The following NCKAP5 variants were observed in gnomAD, a reference collection of about 807,000 sequenced individuals.
NCKAP5 encodes the protein nck-associated protein 5.
A neutral mutation model predicts 167.0 loss-of-function variants in NCKAP5; 92 were observed. The observed-to-expected ratio is 0.55, with a 90% CI of 0.47 to 0.66. The LOEUF is 0.66. Among genes scored for constraint, NCKAP5 ranks in the 30% least tolerant of loss-of-function variants. NCKAP5 has a pLI of 0.00. For missense variants in NCKAP5, 2,378 were observed against 2,315.0 expected, an observed-to-expected ratio of 1.03 and a Z score of -0.56; for synonymous variants, 891 against 877.4, an observed-to-expected ratio of 1.02 and a Z score of -0.27.
At chr2:133,611,289 A>G in the NCKAP5 span, among the ~76,000 whole-genome samples, 1 of 136,278 alleles carries the variant, frequency 7.3e-6, no homozygotes, top group Non-Finnish European at 1.6e-5. Flanking sequence ...CACCTCCTCC[A>G]TCTGCAAAAA....
chr2:133,188,550 C>A (rs568001050), intron 5 of NCKAP5, among the ~76,000 whole-genome samples: 6 of 152,094 alleles, frequency 3.9e-5, no homozygotes, highest in Non-Finnish European at 5.9e-5. Context: ...GACTCCTCAA[C>A]AAATGTAACA....
At chr2:132,982,650 C>A (rs573463890) in intron 7 of NCKAP5, among the ~76,000 whole-genome samples, 1 of 152,178 alleles carries the variant, frequency 6.6e-6, no homozygotes, top group African/African-American at 2.4e-5. Flanking sequence ...GCTTTTCAAC[C>A]CTTGCCCCCT....
chr2:133,277,509 A>G (rs2089778669), intron 4 of NCKAP5, among the ~76,000 whole-genome samples: 1 of 152,140 alleles, frequency 6.6e-6, no homozygotes, highest in African/African-American at 2.4e-5. Context: ...AATCACAAAA[A>G]TAGATGTGAA....
chr2:133,515,833 C>T (rs988090090), intron 3 of NCKAP5, among the ~76,000 whole-genome samples: 4 of 152,274 alleles, frequency 2.6e-5, no homozygotes, highest in African/African-American at 7.2e-5. Context: ...TCCCTGCCTT[C>T]GCAGCTATCT....
At chr2:133,406,861 C>A (rs1387534091) in intron 3 of NCKAP5, among the ~76,000 whole-genome samples, 1 of 152,222 alleles carries the variant, frequency 6.6e-6, no homozygotes, top group African/African-American at 2.4e-5. Flanking sequence ...CAAGCCCCAC[C>A]TTGCCCTTCC....
intron 3 of NCKAP5, among the ~76,000 whole-genome samples, chr2:133,478,622 C>G (rs865978604): frequency 7.0e-4 from 107 of 152,106 alleles, no homozygotes; most frequent in African/African-American, 2.5e-3. Flanking sequence ...AACACTTATG[C>G]TGAATAAATT....
At chr2:133,532,768 T>C (rs1685469021) in intron 2 of NCKAP5, among the ~76,000 whole-genome samples, 1 of 152,194 alleles carries the variant, frequency 6.6e-6, no homozygotes, top group African/African-American at 2.4e-5. Context: ...CCCTTCACTA[T>C]GAAATTTTAA....
At chr2:133,638,689 C>T in the NCKAP5 span, among the ~76,000 whole-genome samples, 1 of 151,982 alleles carries the variant, frequency 6.6e-6, no homozygotes, top group Admixed American at 6.6e-5. Context: ...GAGGCCCCAT[C>T]TCTACTAAAA....
intron 1 of NCKAP5, among the ~76,000 whole-genome samples, chr2:133,562,817 G>A (rs1397458025): frequency 1.3e-5 from 2 of 152,202 alleles, no homozygotes; most frequent in Non-Finnish European, 2.9e-5. Flanking sequence ...GTGTAATTGA[G>A]GCTTCCAAAC....
chr2:133,440,590 C>T (rs1690772911), intron 3 of NCKAP5, among the ~76,000 whole-genome samples: 1 of 151,474 alleles, frequency 6.6e-6, no homozygotes, highest in East Asian at 2.0e-4. Context: ...GGCACCTGAA[C>T]TCCCAGCTAC....
chr2:133,515,334 A>G lies in NCKAP5; in HGVS notation c.69+2124T>C, dbSNP rs562117089. Among the ~76,000 whole-genome samples the G allele has an allele frequency of 7.0e-4, 106 of 152,316 alleles. 1 individual carries two copies. The highest frequency in any genetic ancestry group is 2.5e-3 in the African/African-American group (105 of 41,576). On this transcript the variant is annotated intron_variant, in intron 3 of 19. Coordinates refer to ENST00000409261, the MANE Select transcript of NCKAP5 (RefSeq NM_207363.3). ...GTAGTAACTTGGCCTAAGTGCTATAATGTTGAAAAGCATTTAAGCACCCCC... is the reference window on the plus strand; with the variant it reads ...GTAGTAACTTGGCCTAAGTGCTATAGTGTTGAAAAGCATTTAAGCACCCCC...
intron 8 of NCKAP5, among the ~76,000 whole-genome samples, chr2:132,926,932 G>A (rs13382829): frequency 0.12 from 18,872 of 152,052 alleles, 3,397 homozygotes; most frequent in African/African-American, 0.39. Context: ...GGTCTTAATC[G>A]AGAATTATTT....
At chr2:133,363,277 C>T (rs959830181) in intron 3 of NCKAP5, among the ~76,000 whole-genome samples, 1 of 152,020 alleles carries the variant, frequency 6.6e-6, no homozygotes, top group African/African-American at 2.4e-5. Context: ...AAATCTAACC[C>T]ACTGCCCATT....
intron 2 of NCKAP5, among the ~76,000 whole-genome samples, chr2:133,519,101 C>G (rs1157374097): frequency 2.6e-5 from 4 of 152,208 alleles, no homozygotes; most frequent in Non-Finnish European, 5.9e-5. Flanking sequence ...TGGGCTGTCT[C>G]TCTTGGTTTT....
intron 3 of NCKAP5, among the ~76,000 whole-genome samples, chr2:133,515,798 C>T (rs1307425963): frequency 1.3e-5 from 2 of 152,204 alleles, no homozygotes; most frequent in Non-Finnish European, 1.5e-5. Flanking sequence ...ACTCACGTCC[C>T]CCTGCCCTGT....
chr2:133,410,560 T>C (rs1688712331), intron 3 of NCKAP5, among the ~76,000 whole-genome samples: 1 of 152,192 alleles, frequency 6.6e-6, no homozygotes, highest in Non-Finnish European at 1.5e-5. Context: ...ACTCAACAAA[T>C]ATTAAAACCT....
At chr2:133,304,173 T>G (rs1013185415) in intron 3 of NCKAP5, among the ~76,000 whole-genome samples, 1 of 152,190 alleles carries the variant, frequency 6.6e-6, no homozygotes, top group African/African-American at 2.4e-5. Context: ...CATAATATAC[T>G]GCTCTTATAG....
chr2:133,142,387 G>C (rs2083033495), intron 5 of NCKAP5, among the ~76,000 whole-genome samples: 1 of 152,126 alleles, frequency 6.6e-6, no homozygotes, highest in Non-Finnish European at 1.5e-5. Context: ...ATACCTGCCT[G>C]GCCCGTTGTT....
chr2:133,647,355 G>T, the NCKAP5 span, among the ~76,000 whole-genome samples: 1 of 120,992 alleles, frequency 8.3e-6, no homozygotes, highest in African/African-American at 3.8e-5. Context: ...AGAAAGGAAA[G>T]AAAGGAAGGA....
Sources: allele counts gnomAD v4.1 joint callset (sites outside exome capture counted in the v4.1 genomes callset), GRCh38; gene constraint gnomAD v4.1.1; transcripts MANE v1.5; gene names NCBI Gene and HGNC (gene_info 2026-07-23, HGNC 2026-07-21).